Variants in CLEC2D observed in about 807,000 individuals in gnomAD.
The protein encoded by CLEC2D is C-type lectin domain family 2 member D, also known as C-type lectin related f.
A neutral mutation model predicts 20.0 loss-of-function variants in CLEC2D; 16 were observed. The ratio of observed to expected loss-of-function variants is 0.80; its 90% CI spans 0.54 to 1.22. CLEC2D has a LOEUF of 1.22. CLEC2D is among the 50% of genes most tolerant of loss of function. CLEC2D has a pLI of 0.00. For synonymous variants in CLEC2D, 77 were observed against 71.1 expected, an observed-to-expected ratio of 1.08 and a Z score of -0.42; for missense variants, 207 against 221.5, an observed-to-expected ratio of 0.93 and a Z score of 0.42.
intron 4 of CLEC2D, 161 bp downstream of exon 4, chr12:9,693,092 C>T (rs377194446): frequency 2.4e-5 from 38 of 1,613,414 alleles, no homozygotes; most frequent in Middle Eastern, 1.6e-4. Flanking sequence ...ACAAGTTCCT[C>T]GAATGAATCC....
intron 4 of CLEC2D, chr12:9,693,312 T>G (rs1865907258): frequency 2.1e-6 from 1 of 479,864 alleles, no homozygotes; most frequent in Non-Finnish European, 3.7e-6. Context: ...AGATTATGAG[T>G]GACAGCAATT....
rs774181179 is a variant in CLEC2D, at chr12:9,694,958, T to A, written c.*84T>A. 4.2e-6 allele frequency: 3 copies of A among 719,842 alleles called. No individual in the cohort carries two copies. The highest frequency in any genetic ancestry group is 3.5e-5 in the African/African-American group (2 of 56,794). The allele number at this position is 719,842 out of a possible 1,614,324, so 44.6% of individuals were successfully genotyped here. On this transcript the variant is annotated 3_prime_UTR_variant, in exon 5 of 5. Coordinates refer to ENST00000290855, the MANE Select transcript of CLEC2D (RefSeq NM_013269.6). ...TTAAAATGAGCAAAGAATTTATTTCTTATACCAACAGGTATATGAAAATAT... is the reference window on the plus strand; with the variant it reads ...TTAAAATGAGCAAAGAATTTATTTCATATACCAACAGGTATATGAAAATAT...
In CLEC2D at chr12:9,695,623, A is replaced by C. The variant is rs1865966078; in HGVS notation, c.*749A>C. The C allele has an allele frequency of 1.3e-6, 2 of 1,563,804 alleles. No homozygotes were observed. ...TAAAGTAACACTGGCAACTTTGAAAATGTCTGTACAGCCAACGGTTTCTCT... is the reference window on the plus strand; with the variant it reads ...TAAAGTAACACTGGCAACTTTGAAACTGTCTGTACAGCCAACGGTTTCTCT... On this transcript the variant is annotated 3_prime_UTR_variant, in exon 5 of 5. Coordinates refer to ENST00000290855, the MANE Select transcript of CLEC2D (RefSeq NM_013269.6).
At chr12:9,673,863 C>G (rs1365697205) in intron 1 of CLEC2D, 1 of 152,316 alleles carries the variant, frequency 6.6e-6, no homozygotes, top group African/African-American at 2.4e-5. Context: ...GAAATCTGGC[C>G]CAGTCCAAAC....
At chr12:9,680,013 G>T (rs1865601794) in intron 1 of CLEC2D, among the ~76,000 whole-genome samples, 1 of 152,164 alleles carries the variant, frequency 6.6e-6, no homozygotes, top group Non-Finnish European at 1.5e-5. Flanking sequence ...GCCTAGCTGT[G>T]TCTTTACCCA....
chr12:9,676,261 T>G (rs994741519), intron 1 of CLEC2D, among the ~76,000 whole-genome samples: 2 of 152,158 alleles, frequency 1.3e-5, no homozygotes, highest in Non-Finnish European at 2.9e-5. Flanking sequence ...TCACCATACT[T>G]GAGGATGTTA....
At chr12:9,682,768 T>C (rs1042453205) in intron 2 of CLEC2D, among the ~76,000 whole-genome samples, 5 of 152,248 alleles carry the variant, frequency 3.3e-5, no homozygotes, top group Non-Finnish European at 5.9e-5. Context: ...CAGTCTATCA[T>C]TGATGAGCAT....
chr12:9,681,890 T>C (rs1392839552), intron 2 of CLEC2D, among the ~76,000 whole-genome samples: 4 of 152,214 alleles, frequency 2.6e-5, no homozygotes, highest in African/African-American at 9.6e-5. Context: ...GAAGCAAAAA[T>C]AATTTTTTTA....
chr12:9,688,163 T>C, intron 3 of CLEC2D, 77 bp downstream of exon 3: 1 of 1,409,250 alleles, frequency 7.1e-7, no homozygotes, highest in Non-Finnish European at 9.2e-7. Flanking sequence ...ATCTAAGAGG[T>C]AGGTTTAGAC....
chr12:9,693,505 G>A (rs1176376054), intron 4 of CLEC2D: 1 of 175,918 alleles, frequency 5.7e-6, no homozygotes, highest in Non-Finnish European at 1.2e-5. Context: ...AGATGAGACA[G>A]TTTTGAAAAG....
intron 2 of CLEC2D, among the ~76,000 whole-genome samples, chr12:9,686,200 T>C (rs1865745664): frequency 6.6e-6 from 1 of 151,380 alleles, no homozygotes. Context: ...CCAGTCCCAG[T>C]GAGATGATCC....
At chr12:9,672,308 T>C (rs1446241115) in intron 1 of CLEC2D, among the ~76,000 whole-genome samples, 2 of 152,212 alleles carry the variant, frequency 1.3e-5, no homozygotes, top group Non-Finnish European at 2.9e-5. Context: ...CACTATTGCA[T>C]TGGGGATTAA....
chr12:9,675,541 GT>G (rs372985190), intron 1 of CLEC2D, among the ~76,000 whole-genome samples: 3 of 152,152 alleles, frequency 2.0e-5, no homozygotes, highest in African/African-American at 7.2e-5. Context: ...GATTACTGTA[GT>G]TTTAGAGTAA....
At chr12:9,694,470 G>A (rs1167216403) in intron 4 of CLEC2D, among the ~76,000 whole-genome samples, 3 of 152,128 alleles carry the variant, frequency 2.0e-5, no homozygotes, top group South Asian at 2.1e-4. Flanking sequence ...TAAAGAAAAC[G>A]TGTCAGACTT....
Position 9,686,841 on chromosome 12 carries a change from C to A in CLEC2D, c.173-1061C>A, listed in dbSNP as rs148875664. ...ATTGCTGCCTTCAAAGTGTAGAAAA[C>A]CTCACTAAATCTCCTTAGTGGAAGG... On this transcript the variant is annotated intron_variant, in intron 2 of 4. Coordinates refer to ENST00000290855, the MANE Select transcript of CLEC2D (RefSeq NM_013269.6). Among the ~76,000 whole-genome samples the A allele has an allele frequency of 2.2e-4, 34 of 152,286 alleles. No individual in the cohort carries two copies. The East Asian group carries it at 6.4e-3, about 29-fold the overall frequency.
chr12:9,688,388 T>A (rs1865799133), intron 3 of CLEC2D, among the ~76,000 whole-genome samples: 1 of 152,178 alleles, frequency 6.6e-6, no homozygotes, highest in Non-Finnish European at 1.5e-5. Context: ...AAACCCAGTT[T>A]TAAGTTTGTA....
intron 3 of CLEC2D, among the ~76,000 whole-genome samples, chr12:9,692,593 G>A (rs1865891945): frequency 6.6e-6 from 1 of 152,132 alleles, no homozygotes. Context: ...TCATACAAAG[G>A]AGTACAATAC....
chr12:9,671,507 A>G (rs2120882868), intron 1 of CLEC2D, among the ~76,000 whole-genome samples: 1 of 152,338 alleles, frequency 6.6e-6, no homozygotes, highest in East Asian at 1.9e-4. Context: ...GGCGTGAGCC[A>G]CCGCGCCCGG....
At chr12:9,687,872 T>G (rs886997820) in intron 2 of CLEC2D, 30 bp from the exon 3 acceptor site, 2 of 1,376,314 alleles carry the variant, frequency 1.5e-6, no homozygotes, top group African/African-American at 3.1e-5. Flanking sequence ...TAAGAAATTT[T>G]TATTTTATTT....
Sources: allele counts gnomAD v4.1 joint callset (sites outside exome capture counted in the v4.1 genomes callset), GRCh38; gene constraint gnomAD v4.1.1; transcripts MANE v1.5; gene names NCBI Gene and HGNC (gene_info 2026-07-23, HGNC 2026-07-21).